The following RARB variants were observed in gnomAD, a reference collection of about 807,000 sequenced individuals.
The protein encoded by RARB is HBV-activated protein.
RARB carries 17 observed loss-of-function variants against 51.9 expected under a neutral mutation model. The ratio of observed to expected loss-of-function variants is 0.33; its 90% CI spans 0.22 to 0.49. The LOEUF (loss-of-function observed/expected upper bound fraction) is 0.49, where lower values mean the gene tolerates loss of function less well. Among genes scored for constraint, RARB ranks in the 20% least tolerant of loss-of-function variants. RARB has a pLI of 0.99. For missense variants in RARB, 369 were observed against 550.8 expected (o/e 0.67, Z 3.30); for synonymous variants, 215 against 195.4 (o/e 1.10, Z -0.84).
chr3:25,016,322 C>T (rs1697508682), intron 2 of RARB, among the ~76,000 whole-genome samples: 1 of 152,190 alleles, frequency 6.6e-6, no homozygotes, highest in Non-Finnish European at 1.5e-5. Context: ...CTTTGCCACT[C>T]ATAAGGTTTT....
chr3:24,987,171 C>T (rs892502999), intron 2 of RARB, among the ~76,000 whole-genome samples: 8 of 152,204 alleles, frequency 5.3e-5, no homozygotes, highest in South Asian at 2.1e-4. Context: ...ATCAGAAAAC[C>T]TTGTTTATTA....
chr3:24,843,988 C>G (rs1374983087), intron 1 of RARB, among the ~76,000 whole-genome samples: 1 of 151,712 alleles, frequency 6.6e-6, no homozygotes, highest in African/African-American at 2.4e-5. Context: ...GCACATACAT[C>G]AATAGAACAT....
chr3:25,556,091 C>T (rs1045990073), intron 3 of RARB, among the ~76,000 whole-genome samples: 1 of 151,868 alleles, frequency 6.6e-6, no homozygotes, highest in Non-Finnish European at 1.5e-5. Context: ...AAGACTGTGG[C>T]TGTAAGCTAT....
chr3:25,551,595 A>G (rs1457549080), intron 3 of RARB, among the ~76,000 whole-genome samples: 2 of 152,200 alleles, frequency 1.3e-5, no homozygotes, highest in African/African-American at 2.4e-5. Context: ...AGTGATATCT[A>G]ATGGGCAATG....
intron 3 of RARB, among the ~76,000 whole-genome samples, chr3:25,070,701 C>A (rs919288321): frequency 6.6e-6 from 1 of 152,200 alleles, no homozygotes; most frequent in African/African-American, 2.4e-5. Flanking sequence ...ATCATGACAA[C>A]CCTATGTGGA....
intron 5 of RARB, among the ~76,000 whole-genome samples, chr3:25,325,338 T>G (rs1218031027): frequency 6.6e-6 from 1 of 152,154 alleles, no homozygotes; most frequent in African/African-American, 2.4e-5. Context: ...TGGTGGGTTT[T>G]GGCTGGCTTC....
chr3:24,837,295 A>G (rs910663653), intron 1 of RARB, among the ~76,000 whole-genome samples: 2 of 152,246 alleles, frequency 1.3e-5, no homozygotes, highest in African/African-American at 2.4e-5. Flanking sequence ...TGTTGAATGA[A>G]TATATAGTCT....
intron 3 of RARB, among the ~76,000 whole-genome samples, chr3:25,557,386 A>T (rs1318236870): frequency 6.6e-6 from 1 of 152,214 alleles, no homozygotes. Flanking sequence ...TACCATTCCA[A>T]TCATAAATGG....
chr3:25,048,886 G>T (rs1026486136), intron 2 of RARB, among the ~76,000 whole-genome samples: 2 of 150,852 alleles, frequency 1.3e-5, no homozygotes, highest in Non-Finnish European at 2.9e-5. Context: ...CTCCCCAGTA[G>T]CTGGGACTAG....
chr3:25,050,501 T>C (rs180736315), intron 2 of RARB, among the ~76,000 whole-genome samples: 86 of 152,332 alleles, frequency 5.6e-4, no homozygotes, highest in Non-Finnish European at 9.7e-4. Flanking sequence ...GAAAAAGTAT[T>C]ATGTGTATTC....
intron 2 of RARB, among the ~76,000 whole-genome samples, chr3:25,027,170 A>C (rs963860168): frequency 2.2e-4 from 33 of 152,218 alleles, no homozygotes; most frequent in African/African-American, 8.0e-4. Flanking sequence ...GAGACAATAT[A>C]TTGGCTGTAA....
At chr3:25,055,498 C>T (rs1331708172) in intron 2 of RARB, among the ~76,000 whole-genome samples, 4 of 152,096 alleles carry the variant, frequency 2.6e-5, no homozygotes, top group African/African-American at 9.7e-5. Flanking sequence ...AGTTATAATA[C>T]TTTGTTTTAT....
chr3:25,160,450 G>A (rs1467587370), intron 4 of RARB, among the ~76,000 whole-genome samples: 1 of 152,162 alleles, frequency 6.6e-6, no homozygotes, highest in Non-Finnish European at 1.5e-5. Flanking sequence ...ATTGCAGGGA[G>A]TTTTCATAGC....
rs1040549923 is a variant in RARB at position 25,428,345 on chromosome 3, C to A, written c.-387C>A. The A allele has an allele frequency of 8.0e-7, 1 of 1,246,606 alleles. No homozygotes were observed. Among genetic ancestry groups the A allele is most frequent in the Non-Finnish European group, 1.0e-6 (1 of 996,318 alleles). 77.2% of individuals were successfully genotyped at this position (1,246,606 alleles called of 1,614,324 possible). A position where few individuals can be genotyped will look rare whatever the true frequency, so the allele number is the denominator to read the frequency against. The stretch of plus-strand genomic sequence containing the variant: ...AAGGGGGGACCAGAATTCCCCCATG[C>A]GAGCTGTTTGAGGACTGGGATGCCG... On this transcript the variant is annotated 5_prime_UTR_variant, in exon 1 of 8. Coordinates refer to ENST00000330688, the MANE Select transcript of RARB (RefSeq NM_000965.5).
At chr3:25,060,049 G>A (rs566756959) in intron 2 of RARB, 8 of 151,878 alleles carry the variant, frequency 5.3e-5, no homozygotes, top group South Asian at 2.1e-4. Flanking sequence ...TTGAATAGCC[G>A]TGTTAAATAC....
intron 2 of RARB, among the ~76,000 whole-genome samples, chr3:24,981,662 G>C (rs1357769463): frequency 6.6e-6 from 1 of 152,154 alleles, no homozygotes; most frequent in African/African-American, 2.4e-5. Context: ...TTGGGCAGGA[G>C]TGCATGGCTC....
intron 4 of RARB, among the ~76,000 whole-genome samples, chr3:25,171,296 T>C (rs1253731540): frequency 1.3e-5 from 2 of 151,986 alleles, no homozygotes; most frequent in African/African-American, 4.8e-5. Context: ...AGAGCACTGC[T>C]AATCTTTTTT....
At chr3:25,081,616 TATA>T (rs1286280486) in intron 3 of RARB, among the ~76,000 whole-genome samples, 20 of 14,562 alleles carry the variant, frequency 1.4e-3, no homozygotes, top group South Asian at 4.3e-3. Context: ...TATATATATA[TATA>T]TATTTTTTTT....
At chr3:25,078,096 C>A (rs2125311585) in intron 3 of RARB, among the ~76,000 whole-genome samples, 1 of 151,948 alleles carries the variant, frequency 6.6e-6, no homozygotes, top group South Asian at 2.1e-4. Flanking sequence ...CTATGGATAT[C>A]TTGCCCATTT....
Sources: gnomAD v4.1 joint callset for allele counts (sites outside exome capture counted in the v4.1 genomes callset) on GRCh38, gnomAD v4.1.1 for gene constraint, MANE v1.5 for transcripts, NCBI Gene and HGNC (gene_info 2026-07-23, HGNC 2026-07-21) for gene names.